Variants in PDPK1 observed in about 807,000 individuals in gnomAD.
PDPK1 encodes the protein 3-phosphoinositide dependent protein kinase 1.
A neutral mutation model predicts 39.8 loss-of-function variants in PDPK1; 7 were observed. The observed-to-expected ratio is 0.18, with a 90% CI of 0.10 to 0.33. The LOEUF (loss-of-function observed/expected upper bound fraction) is 0.33, where lower values mean the gene tolerates loss of function less well. Ranked by LOEUF, PDPK1 falls within the 10% of genes least tolerant of loss-of-function variation. The probability of loss-of-function intolerance (pLI) is 1.00; values close to 1 mark genes in which losing one functional copy is unlikely to be tolerated. For synonymous variants in PDPK1, 118 were observed against 159.1 expected (o/e 0.74, Z 1.95); for missense variants, 182 against 384.7 (o/e 0.47, Z 4.41).
chr16:2,588,980 A>G (rs1351115547), intron 11 of PDPK1, among the ~76,000 whole-genome samples: 2 of 152,134 alleles, frequency 1.3e-5, no homozygotes, highest in East Asian at 3.9e-4. Flanking sequence ...TAAATGAGAG[A>G]GAGTCTTGCT....
rs2142011393 is a variant in PDPK1 at position 2,597,673 on chromosome 16, T to C, written c.1577T>C (p.Met526Thr). The C allele has an allele frequency of 6.2e-7, 1 of 1,613,844 alleles. No individual in the cohort carries two copies. The highest frequency in any genetic ancestry group is 2.2e-5 in the East Asian group (1 of 44,876). The change falls in exon 14 of 14, where the codon ATG becomes ACG. Residue 526 changes from methionine to threonine, a missense_variant. Met to Thr is a moderately conservative substitution (Grantham distance 81). Coordinates refer to ENST00000342085, the MANE Select transcript of PDPK1 (RefSeq NM_002613.5). The surrounding 1 kb of genome is among the most constrained non-coding windows in gnomAD (Gnocchi z 6.3). ...CAGCCTAACAGGACGTATTATCTGA[T>C]GGACCCCAGCGGGAACGCACACAAG... ...VHTPNRTYYL[M>T]DPSGNAHKWC...
Position 2,602,149 on chromosome 16 carries a change from A to G in PDPK1, c.*4382A>G, listed in dbSNP as rs2142021163. On this transcript the variant is annotated 3_prime_UTR_variant, in exon 14 of 14. Coordinates refer to ENST00000342085, the MANE Select transcript of PDPK1 (RefSeq NM_002613.5). ...GTACTTTGTTCTGGAAGATGTTGTC[A>G]TACACTTTTCCCCAGTTATTTTCAA... The G allele has an allele frequency of 4.3e-6, 1 of 234,642 alleles. No individual in the cohort carries two copies. The highest frequency in any genetic ancestry group is 6.0e-5 in the East Asian group (1 of 16,576). The allele number at this position is 234,642 out of a possible 1,614,324, so 14.5% of individuals were successfully genotyped here. A position where few individuals can be genotyped will look rare whatever the true frequency, so the allele number is the denominator to read the frequency against.
intron 1 of PDPK1, among the ~76,000 whole-genome samples, chr16:2,545,782 A>G (rs1567145259): frequency 1.3e-5 from 2 of 152,168 alleles, no homozygotes; most frequent in Non-Finnish European, 2.9e-5. Flanking sequence ...GTAAGCCACC[A>G]TGCCCAGCAC....
chr16:2,589,485 C>T (rs1313791653), intron 11 of PDPK1, among the ~76,000 whole-genome samples: 1 of 151,996 alleles, frequency 6.6e-6, no homozygotes, highest in Non-Finnish European at 1.5e-5. Context: ...GCCAGGAATT[C>T]GAGAGCAGCC....
rs148393103 is a variant in PDPK1 at position 2,599,039 on chromosome 16, C to G, written c.*1272C>G. 4 of 233,314 alleles carry G rather than the reference C, an allele frequency of 1.7e-5. No homozygotes were observed. The highest frequency in any genetic ancestry group is 3.4e-5 in the Non-Finnish European group (4 of 118,164). The allele number at this position is 233,314 out of a possible 1,614,324, so 14.5% of individuals were successfully genotyped here. A position where few individuals can be genotyped will look rare whatever the true frequency, so the allele number is the denominator to read the frequency against. On this transcript the variant is annotated 3_prime_UTR_variant, in exon 14 of 14. Coordinates refer to ENST00000342085, the MANE Select transcript of PDPK1 (RefSeq NM_002613.5). ...TGGTCGGCTTTCCTCTAGAGAGAGC[C>G]GGTTTTGGGGCCATTTCCCTTTGAT...
At position 2,590,993 on chromosome 16, in the gene PDPK1, C is replaced by T. The variant is rs144716366; in HGVS notation, c.1343+4100C>T. Among the ~76,000 whole-genome samples the T allele has an allele frequency of 3.0e-3, 443 of 147,506 alleles. 3 individuals are homozygous for T. The highest frequency in any genetic ancestry group is 0.011 in the African/African-American group (420 of 39,768). The stretch of plus-strand genomic sequence containing the variant: ...TTTTTCTGTTTTTGAAACGGAGTCT[C>T]ATTCTGTCGCCCAGGCTGGAGTGCA... On this transcript the variant is annotated intron_variant, in intron 11 of 13. Coordinates refer to ENST00000342085, the MANE Select transcript of PDPK1 (RefSeq NM_002613.5).
intron 1 of PDPK1, chr16:2,538,916 A>G: frequency 2.1e-6 from 1 of 486,956 alleles, no homozygotes; most frequent in South Asian, 2.0e-5. Flanking sequence ...GCTAAGTTCT[A>G]CAGTCTGGGG....
Position 2,593,054 on chromosome 16 carries a change from C to T in PDPK1, c.1344-2739C>T, listed in dbSNP as rs532636442. Reference sequence around the variant, plus strand: ...TTTTCTCAGGATGGATTTCTGGAAGCGAGGCTACTTCTCAGTACTATTTCC... The same window carrying T: ...TTTTCTCAGGATGGATTTCTGGAAGTGAGGCTACTTCTCAGTACTATTTCC... On this transcript the variant is annotated intron_variant, in intron 11 of 13. Transcript: ENST00000342085. The surrounding 1 kb of genome is among the most constrained non-coding windows in gnomAD (Gnocchi z 4.2). The T allele has an allele frequency of 7.7e-5, 35 of 456,458 alleles. No individual in the cohort carries two copies. The highest frequency in any genetic ancestry group is 3.3e-4 in the South Asian group (21 of 64,562). 28.3% of individuals were successfully genotyped at this position (456,458 alleles called of 1,614,324 possible). A position where few individuals can be genotyped will look rare whatever the true frequency, so the allele number is the denominator to read the frequency against.
chr16:2,545,694 C>T (rs2066330192), intron 1 of PDPK1, among the ~76,000 whole-genome samples: 1 of 152,156 alleles, frequency 6.6e-6, no homozygotes, highest in Non-Finnish European at 1.5e-5. Context: ...GGCGTTTTAC[C>T]ATCTTGGCTA....
rs1216345375 is a variant in PDPK1, at chr16:2,550,231, G to A, written c.25-7472G>A. On this transcript the variant is annotated intron_variant, in intron 1 of 13. Coordinates refer to ENST00000342085, the MANE Select transcript of PDPK1 (RefSeq NM_002613.5). The stretch of plus-strand genomic sequence containing the variant: ...AGCACTTAATAAATTTTTTTTTTTA[G>A]TAGAGAAAAATGGCATTTTATTTAT... 2.0e-5 allele frequency among the ~76,000 whole-genome samples: 3 copies of A among 151,114 alleles called. No individual in the cohort carries two copies. The South Asian group carries it at 6.3e-4, about 32-fold the overall frequency.
At chr16:2,577,684 C>T (rs2066741210) in intron 7 of PDPK1, among the ~76,000 whole-genome samples, 184 bp downstream of exon 7, 1 of 149,212 alleles carries the variant, frequency 6.7e-6, no homozygotes, top group Non-Finnish European at 1.5e-5. Flanking sequence ...TTCTAAGCTT[C>T]CTGGGTTTGC....
intron 10 of PDPK1, among the ~76,000 whole-genome samples, chr16:2,585,630 G>A (rs1306014918): frequency 6.6e-6 from 1 of 152,212 alleles, no homozygotes; most frequent in Admixed American, 6.5e-5. Flanking sequence ...GGCTGGGCAG[G>A]CCCACACCCC....
In PDPK1 at chr16:2,595,844, G is replaced by A; in HGVS notation, c.1395G>A (p.Lys465=). The change falls in exon 12 of 14, where the codon AAG becomes AAA. Residue 465 remains lysine (K), a synonymous_variant. Coordinates refer to ENST00000342085, the MANE Select transcript of PDPK1 (RefSeq NM_002613.5). ...TACTAAAGATGGGCCCAGTGGATAA[G>A]CGGAAGGTGAGTGGTCAGTGGTCCC... ...NLILKMGPVD[K]RKGLFARRRQ... The A allele has an allele frequency of 6.2e-7, 1 of 1,613,224 alleles. No individual in the cohort carries two copies. The highest frequency in any genetic ancestry group is 8.5e-7 in the Non-Finnish European group (1 of 1,179,144).
At chr16:2,587,325 C>T (rs951670704) in intron 11 of PDPK1, among the ~76,000 whole-genome samples, 4 of 152,166 alleles carry the variant, frequency 2.6e-5, no homozygotes, top group Non-Finnish European at 5.9e-5. Context: ...GGGGATCTGT[C>T]GCGGGGGCGC....
chr16:2,546,118 C>T lies in PDPK1; in HGVS notation c.24+7982C>T, dbSNP rs191998232. Among the ~76,000 whole-genome samples the T allele has an allele frequency of 1.0e-3, 152 of 152,192 alleles. 1 individual carries two copies. The highest frequency in any genetic ancestry group is 1.6e-4 in the Non-Finnish European group (11 of 67,998). Reference sequence around the variant, plus strand: ...TTTTTTTTCAAGATGGAGTCTCACTCTGTCACCCAGGCTGGAGTGCAGTGG... The same window carrying T: ...TTTTTTTTCAAGATGGAGTCTCACTTTGTCACCCAGGCTGGAGTGCAGTGG... On this transcript the variant is annotated intron_variant, in intron 1 of 13. Transcript: ENST00000342085.
In PDPK1 at chr16:2,602,541, C is replaced by T. The variant is rs189062814; in HGVS notation, c.*4774C>T. ...CTGTGTAACCCACATAGCCTAACCA[C>T]CTGGCAGAATGACTACGAATAGGGG... On this transcript the variant is annotated 3_prime_UTR_variant, in exon 14 of 14. Coordinates refer to ENST00000342085, the MANE Select transcript of PDPK1 (RefSeq NM_002613.5). 296 of 234,858 alleles carry T rather than the reference C, an allele frequency of 1.3e-3. No individual in the cohort carries two copies. The highest frequency in any genetic ancestry group is 0.01 in the Middle Eastern group (8 of 786). 14.5% of individuals were successfully genotyped at this position (234,858 alleles called of 1,614,324 possible).
chr16:2,588,306 A>T (rs1031757343), intron 11 of PDPK1, among the ~76,000 whole-genome samples: 1 of 152,166 alleles, frequency 6.6e-6, no homozygotes, highest in Non-Finnish European at 1.5e-5. Flanking sequence ...GATGGGAGCA[A>T]TCTGAGCCGT....
Position 2,597,099 on chromosome 16 carries a change from T to G in PDPK1, c.1402-24T>G. 1 of 1,536,042 alleles carries G rather than the reference T, an allele frequency of 6.5e-7. No homozygotes were observed. On this transcript the variant is annotated intron_variant, in intron 12 of 13. Coordinates refer to ENST00000342085, the MANE Select transcript of PDPK1 (RefSeq NM_002613.5). This position sits in a 1 kb window ranked among gnomAD's most constrained non-coding sequence, Gnocchi z 6.3. Reference sequence around the variant, plus strand: ...GCCGTCAGCACTGGCCTCTGAGGCCTGTTGTTTTGTGTTTTGGCGTCAGGG... The same window carrying G: ...GCCGTCAGCACTGGCCTCTGAGGCCGGTTGTTTTGTGTTTTGGCGTCAGGG...
Position 2,593,966 on chromosome 16 carries a change from A to G in PDPK1, c.1344-1827A>G, listed in dbSNP as rs961519283. 2.0e-5 allele frequency: 3 copies of G among 152,278 alleles called. No individual in the cohort carries two copies. Among genetic ancestry groups the G allele is most frequent in the Admixed American group, 2.0e-4 (3 of 15,290 alleles). The allele number at this position is 152,278 out of a possible 1,614,324, so 9.4% of individuals were successfully genotyped here. On this transcript the variant is annotated intron_variant, in intron 11 of 13. Transcript: ENST00000342085. This position sits in a 1 kb window ranked among gnomAD's most constrained non-coding sequence, Gnocchi z 4.2. ...GTCCCTGGTGCGAGAGGAGGGCTGCACTTGCCCGCATGCCACACACTCCTC... is the reference window on the plus strand; with the variant it reads ...GTCCCTGGTGCGAGAGGAGGGCTGCGCTTGCCCGCATGCCACACACTCCTC...
Sources: gnomAD v4.1 joint callset for allele counts (sites outside exome capture counted in the v4.1 genomes callset) on GRCh38, gnomAD v4.1.1 for gene constraint, Gnocchi (gnomAD v3.1) non-coding constraint, MANE v1.5 for transcripts, NCBI Gene and HGNC (gene_info 2026-07-23, HGNC 2026-07-21) for gene names.